MYOCOS: variants seen among roughly 807,000 people sequenced by gnomAD.
MYOCOS encodes myocilin opposite strand protein.
At chr1:171,625,841 A>G (rs1478524779) in intron 2 of MYOCOS, among the ~76,000 whole-genome samples, 3 of 152,188 alleles carry the variant, frequency 2.0e-5, no homozygotes, top group Non-Finnish European at 4.4e-5. Context: ...GGGAAGAACT[A>G]CTGCTCTAAT....
intron 1 of MYOCOS, among the ~76,000 whole-genome samples, chr1:171,623,189 C>T (rs906100094): frequency 6.6e-6 from 1 of 151,924 alleles, no homozygotes; most frequent in African/African-American, 2.4e-5. Flanking sequence ...AGAGCCAGAC[C>T]CTGTTTCAAA....
chr1:171,617,426 T>G (rs1652471129), upstream of MYOCOS, among the ~76,000 whole-genome samples: 1 of 151,502 alleles, frequency 6.6e-6, no homozygotes, highest in Middle Eastern at 3.2e-3. Flanking sequence ...TATAGGAAAA[T>G]AAGAGGAAAC....
rs530542920 is a variant in MYOCOS at position 171,623,784 on chromosome 1, T to C, written c.-43-57T>C. ...CAAACTGCGCCATTCTGGACCTAGC[T>C]GGAGCATTCCTGACCCCTGAAGCAT... is the stretch of plus-strand genomic sequence containing the variant. On this transcript the variant is annotated intron_variant, in intron 1 of 2. Transcript: ENST00000637642. 19 of 397,650 alleles carry C rather than the reference T, an allele frequency of 4.8e-5. No homozygotes were observed. In the South Asian group the frequency reaches 5.5e-4, roughly 11 times the overall value. The allele number at this position is 397,650 out of a possible 1,614,324, so 24.6% of individuals were successfully genotyped here.
In MYOCOS at chr1:171,616,489, C is replaced by T. The variant is rs932555917; in HGVS notation, c.-44+1484C>T. ...CAGGGAGGCAGGGGTTGTAGTGAGC[C>T]GAGACCATGCCATTGCACTCCAGCC... On this transcript the variant is annotated intron_variant, in intron 2 of 3. Coordinates refer to the MYOCOS transcript ENST00000636697. Among the ~76,000 whole-genome samples, 11 of 151,750 alleles carry T rather than the reference C, an allele frequency of 7.2e-5. No homozygotes were observed. The East Asian group carries it at 1.4e-3, about 19-fold the overall frequency.
rs72026900 is a variant in MYOCOS at position 171,624,435 on chromosome 1, A to AATTATTATTATTATT, written c.95+469_95+483dup. On this transcript the variant is annotated intron_variant, in intron 2 of 2. Coordinates refer to ENST00000637642, the MANE Select transcript of MYOCOS (RefSeq NM_001391940.1). ...CAGCCATGTGCCACCACGTCTGGTT[A>AATTATTATTATTATT]ATTATTATTATTATTATTATTATTA... 5.4e-3 allele frequency among the ~76,000 whole-genome samples: 796 copies of AATTATTATTATTATT among 147,168 alleles called. 9 individuals carry two copies. Among genetic ancestry groups the AATTATTATTATTATT allele is most frequent in the African/African-American group, 0.015 (579 of 39,276 alleles).
At chr1:171,625,604 C>T (rs1031882237) in intron 2 of MYOCOS, among the ~76,000 whole-genome samples, 1 of 152,164 alleles carries the variant, frequency 6.6e-6, no homozygotes, top group African/African-American at 2.4e-5. Flanking sequence ...AAGGTTTGCC[C>T]AGCCCTGAGG....
chr1:171,618,736 C>T (rs1652496072), upstream of MYOCOS, among the ~76,000 whole-genome samples: 1 of 152,104 alleles, frequency 6.6e-6, no homozygotes, highest in Admixed American at 6.6e-5. Flanking sequence ...CCACCACGCC[C>T]AGATAATTTT....
At chr1:171,609,101 T>C (rs956498862) in intron 1 of MYOCOS, among the ~76,000 whole-genome samples, 12 of 152,188 alleles carry the variant, frequency 7.9e-5, no homozygotes, top group African/African-American at 2.7e-4. Flanking sequence ...CATTCTAGAT[T>C]TCCCTCACCC....
intron 2 of MYOCOS, among the ~76,000 whole-genome samples, chr1:171,625,935 G>C (rs1440475446): frequency 6.6e-6 from 1 of 152,176 alleles, no homozygotes; most frequent in Non-Finnish European, 1.5e-5. Flanking sequence ...AACGGGGACA[G>C]CTGAGCTCAC....
chr1:171,620,449 A>G (rs891266568), upstream of MYOCOS, among the ~76,000 whole-genome samples: 1 of 152,144 alleles, frequency 6.6e-6, no homozygotes, highest in Non-Finnish European at 1.5e-5. Context: ...TGCATCTGTA[A>G]AGAATCTCAA....
intron 1 of MYOCOS, among the ~76,000 whole-genome samples, chr1:171,613,564 G>A (rs1652390795): frequency 6.6e-6 from 1 of 151,062 alleles, no homozygotes; most frequent in African/African-American, 2.4e-5. Context: ...TTTGTTTTTG[G>A]CAAGACAGGG....
intron 1 of MYOCOS, among the ~76,000 whole-genome samples, chr1:171,610,318 A>G (rs1217665491): frequency 1.3e-5 from 2 of 152,204 alleles, no homozygotes; most frequent in Non-Finnish European, 2.9e-5. Flanking sequence ...TTCAAAGGTC[A>G]TTCCATTATG....
intron 2 of MYOCOS, among the ~76,000 whole-genome samples, chr1:171,624,966 T>C (rs1652665438): frequency 6.6e-6 from 1 of 152,130 alleles, no homozygotes; most frequent in Non-Finnish European, 1.5e-5. Context: ...TGATAAGAAG[T>C]TGGTCAAAAA....
At chr1:171,619,043 C>T (rs909170511), upstream of MYOCOS, among the ~76,000 whole-genome samples, 2 of 152,108 alleles carry the variant, frequency 1.3e-5, no homozygotes, top group East Asian at 1.9e-4. Context: ...AAATTAGTAA[C>T]GACATCTTGT....
chr1:171,605,272 G>A (rs1652221187), intron 1 of MYOCOS, among the ~76,000 whole-genome samples: 1 of 151,496 alleles, frequency 6.6e-6, no homozygotes, highest in South Asian at 2.1e-4. Flanking sequence ...GGTTCTAAAA[G>A]TCTCAATTAT....
chr1:171,616,702 G>T (rs1652455958), intron 2 of MYOCOS, among the ~76,000 whole-genome samples: 2 of 152,202 alleles, frequency 1.3e-5, no homozygotes, highest in South Asian at 4.1e-4. Flanking sequence ...TATTGGTTGA[G>T]TTCAGGAGAG....
At chr1:171,605,396 A>ACACACACACACACACACAC (rs1415539776) in intron 1 of MYOCOS, among the ~76,000 whole-genome samples, 2 of 120,822 alleles carry the variant, frequency 1.7e-5, no homozygotes, top group Non-Finnish European at 3.4e-5. Flanking sequence ...CACACACACA[A>ACACACACACACACACACAC]AAAAAAAAAA....
chr1:171,606,964 G>T (rs1166929322), intron 1 of MYOCOS, among the ~76,000 whole-genome samples: 1 of 151,922 alleles, frequency 6.6e-6, no homozygotes, highest in African/African-American at 2.4e-5. Context: ...TGTGGTGGCA[G>T]GTGCCTGTAA....
chr1:171,613,719 T>C (rs559917567), intron 1 of MYOCOS, among the ~76,000 whole-genome samples: 1 of 152,258 alleles, frequency 6.6e-6, no homozygotes, highest in African/African-American at 2.4e-5. Context: ...GGCTAACTTT[T>C]TAATTTTTTG....
Sources: allele counts gnomAD v4.1 joint callset (sites outside exome capture counted in the v4.1 genomes callset), GRCh38; gene constraint gnomAD v4.1.1; transcripts MANE v1.5; gene names NCBI Gene and HGNC (gene_info 2026-07-23, HGNC 2026-07-21).